Variants in CSMD1 observed in about 807,000 individuals in gnomAD.
CSMD1 encodes the protein CUB and Sushi multiple domains 1, also known as CUB and sushi domain-containing protein 1.
Under a neutral mutation model 417.5 loss-of-function variants are expected in CSMD1, and 213 were observed. The ratio of observed to expected loss-of-function variants is 0.51; its 90% CI spans 0.46 to 0.57. The LOEUF (loss-of-function observed/expected upper bound fraction) is 0.57. Ranked by LOEUF, CSMD1 falls within the 20% of genes least tolerant of loss-of-function variation. The probability of loss-of-function intolerance (pLI) is 0.00; values close to 1 mark genes in which losing one functional copy is unlikely to be tolerated. For missense variants in CSMD1, 6,923 were observed against 4,529.7 expected (o/e 1.53, Z -15.17); for synonymous variants, 2,862 against 1,736.8 (o/e 1.65, Z -16.11).
chr8:4,016,333 C>A (rs1796521088), intron 4 of CSMD1, among the ~76,000 whole-genome samples: 1 of 152,172 alleles, frequency 6.6e-6, no homozygotes, highest in Admixed American at 6.5e-5. Flanking sequence ...TACTGACCAA[C>A]TGACTCTCAG....
At chr8:4,622,146 T>G (rs1801817336) in intron 2 of CSMD1, among the ~76,000 whole-genome samples, 1 of 145,840 alleles carries the variant, frequency 6.9e-6, no homozygotes, top group African/African-American at 2.6e-5. Context: ...TATAGAAGAT[T>G]AAACGCAAAG....
At chr8:3,001,396 C>T (rs543925181) in intron 52 of CSMD1, among the ~76,000 whole-genome samples, 1 of 152,132 alleles carries the variant, frequency 6.6e-6, no homozygotes, top group South Asian at 2.1e-4. Context: ...CCCTTCCTCG[C>T]ATATATGGAA....
At chr8:4,549,689 G>C (rs991983543) in intron 2 of CSMD1, among the ~76,000 whole-genome samples, 7 of 151,920 alleles carry the variant, frequency 4.6e-5, no homozygotes, top group African/African-American at 7.3e-5. Context: ...AGGAGTTCAA[G>C]ACCAGCCTGG....
intron 29 of CSMD1, among the ~76,000 whole-genome samples, chr8:3,215,624 AC>A (rs1355192016): frequency 6.6e-6 from 1 of 152,182 alleles, no homozygotes; most frequent in African/African-American, 2.4e-5. Flanking sequence ...AAAATACAAA[AC>A]CTTTTTTCTT....
intron 5 of CSMD1, among the ~76,000 whole-genome samples, chr8:3,925,184 G>C (rs1809563333): frequency 6.6e-6 from 1 of 152,156 alleles, no homozygotes. Flanking sequence ...TATGAGAAAA[G>C]AAATGTGTGT....
chr8:4,638,764 TG>T (rs1167123723), intron 1 of CSMD1, among the ~76,000 whole-genome samples: 3 of 152,158 alleles, frequency 2.0e-5, no homozygotes, highest in African/African-American at 7.2e-5. Context: ...GGTTTAGGAT[TG>T]ACATGACAAT....
intron 2 of CSMD1, among the ~76,000 whole-genome samples, chr8:4,479,189 G>C (rs1585142458): frequency 6.6e-6 from 1 of 152,232 alleles, no homozygotes; most frequent in South Asian, 2.1e-4. Flanking sequence ...CCACAACCTT[G>C]AAATGTCTTC....
chr8:3,790,333 A>ATGGTGATGGTGATGATGATGG (rs1410235668), intron 5 of CSMD1, among the ~76,000 whole-genome samples: 1 of 152,146 alleles, frequency 6.6e-6, no homozygotes, highest in Non-Finnish European at 1.5e-5. Context: ...ATGTATAATG[A>ATGGTGATGGTGATGATGATGG]TGGTGATGGT....
chr8:3,473,611 A>T (rs983513568), intron 11 of CSMD1, among the ~76,000 whole-genome samples: 3 of 152,208 alleles, frequency 2.0e-5, no homozygotes, highest in Non-Finnish European at 4.4e-5. Flanking sequence ...GATTTTCAAA[A>T]TAATAATACC....
intron 6 of CSMD1, among the ~76,000 whole-genome samples, chr8:3,721,065 T>G (rs542803190): frequency 6.6e-6 from 1 of 152,174 alleles, no homozygotes; most frequent in East Asian, 1.9e-4. Flanking sequence ...TTGGGTGATC[T>G]GCCCGCCTCG....
At chr8:4,676,617 T>C (rs1329019722) in intron 1 of CSMD1, among the ~76,000 whole-genome samples, 1 of 152,150 alleles carries the variant, frequency 6.6e-6, no homozygotes, top group Non-Finnish European at 1.5e-5. Flanking sequence ...TCCATTCTCC[T>C]TTCGCACCTG....
intron 5 of CSMD1, among the ~76,000 whole-genome samples, chr8:3,982,000 T>C (rs1400233523): frequency 5.3e-5 from 8 of 151,822 alleles, no homozygotes; most frequent in African/African-American, 7.3e-5. Flanking sequence ...TGAAACCCCG[T>C]CTCTACTAAA....
chr8:4,194,235 C>T (rs1584998797), intron 3 of CSMD1, among the ~76,000 whole-genome samples: 1 of 152,082 alleles, frequency 6.6e-6, no homozygotes, highest in African/African-American at 2.4e-5. Flanking sequence ...AACACTGCTG[C>T]TTTTAACACC....
At chr8:4,858,268 A>G (rs534401666) in intron 1 of CSMD1, among the ~76,000 whole-genome samples, 1 of 151,526 alleles carries the variant, frequency 6.6e-6, no homozygotes, top group East Asian at 1.9e-4. Context: ...CGTATTTCAA[A>G]ATAATAAAAG....
intron 2 of CSMD1, among the ~76,000 whole-genome samples, chr8:4,529,160 G>C (rs1025048414): frequency 1.3e-5 from 2 of 152,088 alleles, no homozygotes; most frequent in African/African-American, 4.8e-5. Flanking sequence ...GGACCCTTTG[G>C]GGGATCCCTG....
At chr8:4,791,206 G>A (rs953162878) in intron 1 of CSMD1, among the ~76,000 whole-genome samples, 1 of 151,960 alleles carries the variant, frequency 6.6e-6, no homozygotes, top group African/African-American at 2.4e-5. Flanking sequence ...GAGGAGAGGT[G>A]CGTGGAAGAA....
At chr8:3,850,133 C>A (rs1040551688) in intron 5 of CSMD1, among the ~76,000 whole-genome samples, 1 of 152,200 alleles carries the variant, frequency 6.6e-6, no homozygotes, top group South Asian at 2.1e-4. Flanking sequence ...GCGATGTCGC[C>A]ATTCTTAGGG....
intron 40 of CSMD1, 30 bp from the exon 41 acceptor site, chr8:3,142,704 G>C (rs998390362): frequency 2.6e-6 from 4 of 1,529,886 alleles, no homozygotes; most frequent in Non-Finnish European, 3.6e-6. Context: ...CTTAATGAAA[G>C]TTCATATCAA....
intron 40 of CSMD1, among the ~76,000 whole-genome samples, chr8:3,144,487 T>G (rs1240598036): frequency 6.6e-6 from 1 of 152,056 alleles, no homozygotes; most frequent in Non-Finnish European, 1.5e-5. Context: ...AATTTAGAAT[T>G]CTTTTTAGAA....
Sources: allele counts gnomAD v4.1 joint callset (sites outside exome capture counted in the v4.1 genomes callset), GRCh38; gene constraint gnomAD v4.1.1; transcripts MANE v1.5; gene names NCBI Gene and HGNC (gene_info 2026-07-23, HGNC 2026-07-21).